The following TNNI3K variants were observed in gnomAD, a reference collection of about 807,000 sequenced individuals.
The protein encoded by TNNI3K is serine/threonine-protein kinase TNNI3K.
A neutral mutation model predicts 114.5 loss-of-function variants in TNNI3K; 140 were observed. That is an observed-to-expected ratio of 1.22 (90% confidence interval 1.07 to 1.41). TNNI3K has a LOEUF of 1.41. Among genes scored for constraint, TNNI3K ranks in the 40% most tolerant of loss-of-function variants. The pLI is 0.00. For missense variants in TNNI3K, 1,125 were observed against 1,007.6 expected, an observed-to-expected ratio of 1.12 and a Z score of -1.58; for synonymous variants, 347 against 347.5, an observed-to-expected ratio of 1.00 and a Z score of 0.02.
intron 20 of TNNI3K, among the ~76,000 whole-genome samples, chr1:74,460,887 G>T (rs1667426945): frequency 6.6e-6 from 1 of 152,184 alleles, no homozygotes; most frequent in Admixed American, 6.5e-5. Context: ...CAGACACACT[G>T]CCAAGAAGCA....
Position 74,393,515 on chromosome 1 carries a change from A to G in TNNI3K, c.1772+23123A>G, listed in dbSNP as rs546980462. Among the ~76,000 whole-genome samples the G allele has an allele frequency of 1.2e-4, 19 of 152,346 alleles. 1 individual carries two copies. Among genetic ancestry groups the G allele is most frequent in the Admixed American group, 1.2e-3 (18 of 15,306 alleles). On this transcript the variant is annotated intron_variant, in intron 17 of 24. Transcript: ENST00000326637. ...GACCACAAAAGGACTAGAAATAGAA[A>G]TTAATTTTCCAGGCAATTTCTATCT...
intron 17 of TNNI3K, among the ~76,000 whole-genome samples, chr1:74,376,203 A>T (rs1370212173): frequency 6.6e-6 from 1 of 152,038 alleles, no homozygotes; most frequent in Non-Finnish European, 1.5e-5. Context: ...ATAGAAAATT[A>T]TAATAGTTGC....
intron 17 of TNNI3K, among the ~76,000 whole-genome samples, chr1:74,402,153 G>A (rs1452595192): frequency 1.3e-5 from 2 of 152,080 alleles, no homozygotes; most frequent in Non-Finnish European, 2.9e-5. Flanking sequence ...ACGGGGTCAA[G>A]TGATCTGACT....
At chr1:74,500,543 G>A (rs1460095972) in intron 23 of TNNI3K, among the ~76,000 whole-genome samples, 1 of 139,928 alleles carries the variant, frequency 7.1e-6, no homozygotes, top group African/African-American at 2.6e-5. Context: ...GGCGGAGCTT[G>A]CAGTGAGCTG....
Position 74,250,676 on chromosome 1 carries a change from G to A in TNNI3K, c.240G>A (p.Lys80=), listed in dbSNP as rs200196531. The A allele has an allele frequency of 1.2e-6, 2 of 1,608,896 alleles. No homozygotes were observed. The highest frequency in any genetic ancestry group is 1.1e-5 in the South Asian group (1 of 89,810). The stretch of plus-strand genomic sequence containing the variant: ...TTTTTCATTTTTCTCTTTAAGGCAA[G>A]AAATCACATATTCGAACTCTTATGT... ...LLHLCCICGG[K]KSHIRTLMLK... is the part of the protein sequence containing the mutation. The change falls in exon 4 of 25, where the codon AAG becomes AAA. Residue 80 remains lysine (K), a synonymous_variant. Coordinates refer to ENST00000326637, the MANE Select transcript of TNNI3K (RefSeq NM_015978.3).
chr1:74,470,844 C>A (rs1667891091), intron 21 of TNNI3K: 1 of 400,482 alleles, frequency 2.5e-6, no homozygotes, highest in African/African-American at 2.1e-5. Flanking sequence ...GTGTTTGATT[C>A]CTCGGGGACA....
At chr1:74,507,164 A>G (rs1165610701) in intron 23 of TNNI3K, among the ~76,000 whole-genome samples, 2 of 152,014 alleles carry the variant, frequency 1.3e-5, no homozygotes, top group Non-Finnish European at 1.5e-5. Context: ...AGTTCTTTAA[A>G]TATAGGTCCA....
intron 5 of TNNI3K, among the ~76,000 whole-genome samples, chr1:74,302,704 A>G (rs1286316712): frequency 1.3e-5 from 2 of 152,344 alleles, no homozygotes; most frequent in African/African-American, 2.4e-5. Flanking sequence ...TTTCAATTCT[A>G]TGAAGGATGA....
At chr1:74,528,978 A>G (rs1646544606) in intron 23 of TNNI3K, among the ~76,000 whole-genome samples, 1 of 152,196 alleles carries the variant, frequency 6.6e-6, no homozygotes, top group Non-Finnish European at 1.5e-5. Context: ...GACATAACAA[A>G]GGAATACATT....
rs771523171 is a variant in TNNI3K at position 74,353,307 on chromosome 1, T to C, written c.974T>C (p.Leu325Pro). The C allele has an allele frequency of 6.2e-7, 1 of 1,613,990 alleles. No individual in the cohort carries two copies. The highest frequency in any genetic ancestry group is 1.1e-5 in the South Asian group (1 of 91,064). Reference protein sequence around the residue: ...YGKSIDLVKFLLDQNVININH... With the variant: ...YGKSIDLVKFPLDQNVININH... Reference sequence around the variant, plus strand: ...AAGAGCATTGACCTAGTCAAATTTCTTCTTGATCAGAATGTCATAAACATC... The same window carrying C: ...AAGAGCATTGACCTAGTCAAATTTCCTCTTGATCAGAATGTCATAAACATC... The change falls in exon 10 of 25, where the codon CTT becomes CCT. Residue 325 changes from leucine to proline, a missense_variant. Coordinates refer to ENST00000326637, the MANE Select transcript of TNNI3K (RefSeq NM_015978.3).
At chr1:74,489,281 A>C in intron 22 of TNNI3K, 33 bp downstream of exon 22, 1 of 1,597,844 alleles carries the variant, frequency 6.3e-7, no homozygotes, top group Admixed American at 1.8e-5. Context: ...TATGTCCATA[A>C]AAAAGCCCTG....
chr1:74,397,776 A>G (rs922526482), intron 17 of TNNI3K, among the ~76,000 whole-genome samples: 3 of 152,218 alleles, frequency 2.0e-5, no homozygotes, highest in Non-Finnish European at 4.4e-5. Context: ...TGATAGCATA[A>G]CACAATGGCT....
chr1:74,488,575 C>T (rs1467990524), intron 21 of TNNI3K, among the ~76,000 whole-genome samples: 3 of 152,098 alleles, frequency 2.0e-5, no homozygotes, highest in Non-Finnish European at 2.9e-5. Flanking sequence ...TTTTATATCC[C>T]TTGCAACTGG....
At chr1:74,254,913 G>A (rs998887010) in intron 4 of TNNI3K, among the ~76,000 whole-genome samples, 2 of 152,022 alleles carry the variant, frequency 1.3e-5, no homozygotes, top group African/African-American at 4.8e-5. Context: ...CTGCTGCAAG[G>A]GTTTGTGATA....
intron 22 of TNNI3K, 39 bp from the exon 23 acceptor site, chr1:74,492,058 G>A: frequency 6.9e-7 from 1 of 1,455,732 alleles, no homozygotes. Flanking sequence ...ACACCTGTTG[G>A]AAGTATTAAA....
chr1:74,315,962 A>C (rs1472282108), intron 5 of TNNI3K, among the ~76,000 whole-genome samples: 5 of 152,204 alleles, frequency 3.3e-5, no homozygotes, highest in Non-Finnish European at 7.3e-5. Context: ...AAGAAGTATA[A>C]AATATAGCTT....
chr1:74,415,456 A>C (rs1665071102), intron 17 of TNNI3K, among the ~76,000 whole-genome samples: 1 of 152,172 alleles, frequency 6.6e-6, no homozygotes, highest in Non-Finnish European at 1.5e-5. Context: ...ATGGCTTGAA[A>C]AGCTGTCTAT....
intron 4 of TNNI3K, among the ~76,000 whole-genome samples, chr1:74,253,050 C>T (rs1655042121): frequency 6.6e-6 from 1 of 152,140 alleles, no homozygotes; most frequent in South Asian, 2.1e-4. Flanking sequence ...GGTGCATTTA[C>T]AATCCCTGAG....
chr1:74,439,741 A>G, intron 20 of TNNI3K, 119 bp downstream of exon 20: 18 of 1,454,852 alleles, frequency 1.2e-5, no homozygotes, highest in African/African-American at 1.4e-5. Flanking sequence ...AAGAGGAGGT[A>G]AGCAAACAAT....
Sources: gnomAD v4.1 joint callset for allele counts (sites outside exome capture counted in the v4.1 genomes callset) on GRCh38, gnomAD v4.1.1 for gene constraint, MANE v1.5 for transcripts, NCBI Gene and HGNC (gene_info 2026-07-23, HGNC 2026-07-21) for gene names.